Variants in RGS7 observed in about 807,000 individuals in gnomAD.
RGS7 encodes regulator of G-protein signaling 7.
Under a neutral mutation model 81.1 loss-of-function variants are expected in RGS7, and 27 were observed. The observed-to-expected ratio is 0.33, with a 90% CI of 0.25 to 0.46. The LOEUF (loss-of-function observed/expected upper bound fraction) is 0.46. Among genes scored for constraint, RGS7 ranks in the 20% least tolerant of loss-of-function variants. The pLI, the probability that RGS7 is intolerant of heterozygous loss-of-function variation, is 1.00. For missense variants in RGS7, 396 were observed against 607.4 expected (o/e 0.65, Z 3.66); for synonymous variants, 208 against 207.7 (o/e 1.00, Z -0.01).
intron 6 of RGS7, among the ~76,000 whole-genome samples, chr1:240,927,277 G>C (rs1336665278): frequency 6.6e-6 from 1 of 152,132 alleles, no homozygotes; most frequent in Admixed American, 6.5e-5. Context: ...ATGTTGGCCA[G>C]GATGGTCTTG....
intron 3 of RGS7, among the ~76,000 whole-genome samples, chr1:241,007,630 A>G (rs948824866): frequency 1.3e-5 from 2 of 152,192 alleles, no homozygotes; most frequent in African/African-American, 4.8e-5. Flanking sequence ...AATCAGTTTA[A>G]AAGCGTGGTA....
intron 2 of RGS7, chr1:241,186,433 GT>G: frequency 1.8e-5 from 16 of 903,402 alleles, no homozygotes; most frequent in South Asian, 5.1e-5. Context: ...ATCTAAGATT[GT>G]TTTTTTTCTA....
intron 18 of RGS7, among the ~76,000 whole-genome samples, chr1:240,793,288 C>G (rs1033319259): frequency 2.6e-5 from 4 of 152,026 alleles, no homozygotes; most frequent in Non-Finnish European, 5.9e-5. Context: ...TGTCTGAACT[C>G]AATTAGGCTA....
intron 4 of RGS7, among the ~76,000 whole-genome samples, chr1:240,944,424 C>A (rs1348103109): frequency 6.7e-6 from 1 of 150,216 alleles, no homozygotes; most frequent in Non-Finnish European, 1.5e-5. Context: ...ATGGCAAGGG[C>A]CAGGGCAGTA....
In RGS7 at chr1:240,781,345, C is replaced by T. The variant is rs538946584; in HGVS notation, c.*7-5132G>A. Among the ~76,000 whole-genome samples, 9 of 152,336 alleles carry T rather than the reference C, an allele frequency of 5.9e-5. No homozygotes were observed. In the East Asian group the frequency reaches 1.5e-3, roughly 26 times the overall value. ...TGTGGACCAGGCGAGGTGGCTCAGGCCTGTAACCCCCGCACTTTGGGAGGC... is the reference window on the plus strand; with the variant it reads ...TGTGGACCAGGCGAGGTGGCTCAGGTCTGTAACCCCCGCACTTTGGGAGGC... On this transcript the variant is annotated intron_variant, in intron 18 of 18. Coordinates refer to ENST00000440928, the MANE Select transcript of RGS7 (RefSeq NM_001364886.1).
chr1:241,301,951 G>C (rs140271385), intron 2 of RGS7, among the ~76,000 whole-genome samples: 1,881 of 152,302 alleles, frequency 0.012, 35 homozygotes, highest in African/African-American at 0.043. Flanking sequence ...AAAATACTAT[G>C]ACATTCATAG....
chr1:240,961,108 G>C (rs897037299), intron 4 of RGS7, among the ~76,000 whole-genome samples: 5 of 151,900 alleles, frequency 3.3e-5, no homozygotes, highest in African/African-American at 1.2e-4. Flanking sequence ...GATTAAAATG[G>C]TAAAAGTAAT....
chr1:240,881,517 T>C lies in RGS7; in HGVS notation c.386-11398A>G, dbSNP rs796453493. On this transcript the variant is annotated intron_variant, in intron 6 of 18. Transcript: ENST00000440928. ...AGTATAATAATAAAAAAAAGCAGGG[T>C]TTTCAAAATAATTCTTCAAATAAAG... Among the ~76,000 whole-genome samples, 3 of 151,848 alleles carry C rather than the reference T, an allele frequency of 2.0e-5. No individual in the cohort carries two copies. The South Asian group carries it at 6.2e-4, about 32-fold the overall frequency.
intron 2 of RGS7, among the ~76,000 whole-genome samples, chr1:241,113,981 T>C (rs2065712259): frequency 6.6e-6 from 1 of 152,176 alleles, no homozygotes; most frequent in Non-Finnish European, 1.5e-5. Flanking sequence ...TTACTGAAAG[T>C]TTCTTCAGGA....
At chr1:240,790,171 G>T (rs1480457668) in intron 18 of RGS7, among the ~76,000 whole-genome samples, 1 of 152,070 alleles carries the variant, frequency 6.6e-6, no homozygotes, top group East Asian at 1.9e-4. Context: ...GGTGGAAGTT[G>T]CAGGGAGCCG....
intron 2 of RGS7, among the ~76,000 whole-genome samples, chr1:241,205,941 C>T (rs911453205): frequency 6.6e-6 from 1 of 151,724 alleles, no homozygotes; most frequent in African/African-American, 2.4e-5. Flanking sequence ...TAGAACTGTG[C>T]AGTTTGTTAC....
intron 2 of RGS7, among the ~76,000 whole-genome samples, chr1:241,145,238 G>A (rs1206272140): frequency 6.6e-6 from 1 of 151,880 alleles, no homozygotes; most frequent in African/African-American, 2.4e-5. Flanking sequence ...GGCTGGTCTC[G>A]ACCTCCTGCC....
chr1:241,090,158 A>G (rs540814667), intron 3 of RGS7, among the ~76,000 whole-genome samples: 135 of 138,988 alleles, frequency 9.7e-4, no homozygotes, highest in African/African-American at 4.0e-3. Flanking sequence ...GAAAGGCAGG[A>G]TGAGGTGCAG....
chr1:241,016,755 G>C (rs1461044496), intron 3 of RGS7, among the ~76,000 whole-genome samples: 3 of 152,084 alleles, frequency 2.0e-5, no homozygotes, highest in Non-Finnish European at 2.9e-5. Flanking sequence ...ACAGCATATT[G>C]TGGTCTAATT....
intron 2 of RGS7, among the ~76,000 whole-genome samples, chr1:241,203,636 A>T (rs185726766): frequency 6.6e-6 from 1 of 152,214 alleles, no homozygotes; most frequent in African/African-American, 2.4e-5. Context: ...TGTTTAAACC[A>T]ATCAAAGTAA....
chr1:240,833,782 A>G (rs537364029), intron 9 of RGS7, among the ~76,000 whole-genome samples: 3 of 151,960 alleles, frequency 2.0e-5, no homozygotes, highest in African/African-American at 4.8e-5. Flanking sequence ...GTAACTATAG[A>G]TTTTAAAGTG....
At chr1:241,288,453 TG>T (rs1466322284) in intron 2 of RGS7, among the ~76,000 whole-genome samples, 1 of 152,194 alleles carries the variant, frequency 6.6e-6, no homozygotes, top group Non-Finnish European at 1.5e-5. Flanking sequence ...GAAGGATTTC[TG>T]GAGGACATGA....
chr1:241,034,785 A>G lies in RGS7; in HGVS notation c.176-51656T>C, dbSNP rs148585780. Among the ~76,000 whole-genome samples the G allele has an allele frequency of 1.9e-3, 283 of 152,306 alleles. 1 individual carries two copies. The highest frequency in any genetic ancestry group is 4.3e-3 in the Admixed American group (65 of 15,286). ...AGTTATCGAGGCCATAGGAAGTGAGAGCGCCATCATACTAATGTTAAATAG... is the reference window on the plus strand; with the variant it reads ...AGTTATCGAGGCCATAGGAAGTGAGGGCGCCATCATACTAATGTTAAATAG... On this transcript the variant is annotated intron_variant, in intron 3 of 18. Transcript: ENST00000440928.
At chr1:240,785,246 C>T (rs1373149348) in intron 18 of RGS7, among the ~76,000 whole-genome samples, 3 of 152,184 alleles carry the variant, frequency 2.0e-5, no homozygotes, top group African/African-American at 4.8e-5. Flanking sequence ...CGAAGTGGTT[C>T]TTTGGCTGGC....
Sources: gnomAD v4.1 joint callset for allele counts (sites outside exome capture counted in the v4.1 genomes callset) on GRCh38, gnomAD v4.1.1 for gene constraint, MANE v1.5 for transcripts, NCBI Gene and HGNC (gene_info 2026-07-23, HGNC 2026-07-21) for gene names.